CLEC17A: variants seen among roughly 807,000 people sequenced by gnomAD.
CLEC17A encodes C-type lectin domain containing 17A.
In CLEC17A, 37 loss-of-function variants were observed where a neutral mutation model predicts 61.3. The ratio of observed to expected loss-of-function variants is 0.60; its 90% CI spans 0.46 to 0.79. CLEC17A has a LOEUF of 0.79. Ranked by LOEUF, CLEC17A falls within the 30% of genes least tolerant of loss-of-function variation. The pLI, the probability that CLEC17A is intolerant of heterozygous loss-of-function variation, is 0.00. For missense variants in CLEC17A, 418 were observed against 464.7 expected (o/e 0.90, Z 0.92); for synonymous variants, 168 against 164.9 (o/e 1.02, Z -0.14).
intron 8 of CLEC17A, 93 bp from the exon 9 acceptor site, chr19:14,596,783 C>T (rs2074561818): frequency 7.0e-7 from 1 of 1,427,802 alleles, no homozygotes; most frequent in Non-Finnish European, 9.5e-7. Context: ...CTACAGACTT[C>T]TGCCCCCTGC....
chr19:14,582,313 C>T (rs7256967), upstream of CLEC17A, among the ~76,000 whole-genome samples: 35,541 of 150,450 alleles, frequency 0.24, 7,873 homozygotes, highest in African/African-American at 0.59. Context: ...CCTGGGTTCA[C>T]GCCATTCTCC....
rs1488731023 is a variant in CLEC17A at position 14,592,286 on chromosome 19, A to G, written c.205A>G (p.Met69Val). 2.5e-6 allele frequency: 4 copies of G among 1,597,022 alleles called. No homozygotes were observed. The highest frequency in any genetic ancestry group is 1.3e-5 in the African/African-American group (1 of 74,482). ...YKDLPPKPGT[M>V]EEEEEDDDYE... ...ACTTGCCTTTCCCCTGGAAGGGACC[A>G]TGGAGGAGGAGGAGGAGGATGATGA... The change falls in exon 4 of 14, where the codon ATG becomes GTG. Residue 69 changes from methionine (M) to valine (V), a missense_variant. Transcript: ENST00000417570.
Position 14,594,654 on chromosome 19 carries a change from A to C in CLEC17A, c.333A>C (p.Pro111=). 1 of 1,613,518 alleles carries C rather than the reference A, an allele frequency of 6.2e-7. No homozygotes were observed. The highest frequency in any genetic ancestry group is 8.5e-7 in the Non-Finnish European group (1 of 1,179,766). Residue 111 remains proline, a synonymous_variant, in exon 6 of 14, where the codon CCA becomes CCC. Transcript: ENST00000417570. The part of the protein sequence containing the change: ...PRAAKETEKP[P]LPCKPRNMTG... ...CAGCAAAGGAAACAGAGAAACCCCC[A>C]CTTCCTTGCAAGCCCCGGAACATGA...
chr19:14,584,840 C>T (rs1027919761), intron 2 of CLEC17A, among the ~76,000 whole-genome samples: 20 of 151,474 alleles, frequency 1.3e-4, no homozygotes, highest in African/African-American at 4.9e-4. Flanking sequence ...AACTTCATCA[C>T]CCTCTCTACT....
At chr19:14,602,517 C>T (rs780603872) in intron 12 of CLEC17A, among the ~76,000 whole-genome samples, 3 of 151,994 alleles carry the variant, frequency 2.0e-5, no homozygotes, top group Non-Finnish European at 2.9e-5. Context: ...TGGTCTGGAA[C>T]TCCTGACCTC....
At position 14,597,155 on chromosome 19, in the gene CLEC17A, A is replaced by G. The variant is rs1225694558; in HGVS notation, c.640A>G (p.Thr214Ala). The change falls in exon 10 of 14, where the codon ACA (threonine) becomes GCA (alanine). Residue 214 changes from threonine (T) to alanine (A), a missense_variant. Coordinates refer to ENST00000417570, the MANE Select transcript of CLEC17A (RefSeq NM_001204118.2). ...MLSFQQMTWR[T>A]NMTGMAGLAG... Reference sequence around the variant, plus strand: ...AAGCTTTCAGCAGATGACGTGGCGAACAAATAGTGAGTGCTTTCAGTCATT... The same window carrying G: ...AAGCTTTCAGCAGATGACGTGGCGAGCAAATAGTGAGTGCTTTCAGTCATT... 1 of 1,609,938 alleles carries G rather than the reference A, an allele frequency of 6.2e-7. No homozygotes were observed. The highest frequency in any genetic ancestry group is 2.2e-5 in the East Asian group (1 of 44,814).
At chr19:14,582,296 T>G, upstream of CLEC17A, among the ~76,000 whole-genome samples, 1 of 150,600 alleles carries the variant, frequency 6.6e-6, no homozygotes, top group Non-Finnish European at 1.5e-5. Flanking sequence ...CACTGCAAGC[T>G]CCACCTCCTG....
chr19:14,597,242 T>A, intron 10 of CLEC17A, 81 bp downstream of exon 10: 1 of 1,276,760 alleles, frequency 7.8e-7, no homozygotes, highest in Non-Finnish European at 1.1e-6. Context: ...AGATCCAACC[T>A]CATCCCCATC....
In CLEC17A at chr19:14,599,449, G is replaced by A. The variant is rs1026211521; in HGVS notation, c.647-268G>A. Among the ~76,000 whole-genome samples, 95 of 151,976 alleles carry A rather than the reference G, an allele frequency of 6.3e-4. 1 individual carries two copies. Among genetic ancestry groups the A allele is most frequent in the Non-Finnish European group, 1.2e-4 (8 of 67,996 alleles). On this transcript the variant is annotated intron_variant, in intron 10 of 13. Transcript: ENST00000417570. The stretch of plus-strand genomic sequence containing the variant: ...GCCTCTTCCTCACCTCACAGTTATC[G>A]AATCACTTTCTTCCTTTAAAACCCA...
intron 4 of CLEC17A, among the ~76,000 whole-genome samples, chr19:14,594,297 AAAAAT>A (rs771746712): frequency 1.3e-5 from 2 of 151,984 alleles, no homozygotes; most frequent in Non-Finnish European, 2.9e-5. Flanking sequence ...AAATAAAATA[AAAAAT>A]AAAATAAAAT....
chr19:14,601,139 G>A (rs2074704582), intron 12 of CLEC17A, among the ~76,000 whole-genome samples: 1 of 151,818 alleles, frequency 6.6e-6, no homozygotes, highest in Non-Finnish European at 1.5e-5. Context: ...CTGACTTCAG[G>A]TGATCCTCCC....
At chr19:14,606,754 G>T (rs1337162223) in intron 12 of CLEC17A, among the ~76,000 whole-genome samples, 1 of 151,886 alleles carries the variant, frequency 6.6e-6, no homozygotes, top group African/African-American at 2.4e-5. Context: ...TTACAGGTGA[G>T]GAAACTGAGG....
intron 5 of CLEC17A, 28 bp downstream of exon 5, chr19:14,594,577 C>T (rs1227129017): frequency 9.9e-6 from 16 of 1,613,126 alleles, no homozygotes; most frequent in Non-Finnish European, 1.4e-5. Flanking sequence ...GTGTAGGAGA[C>T]CCAGAGCTGG....
chr19:14,599,821 G>C lies in CLEC17A; in HGVS notation c.742+9G>C. On this transcript the variant is annotated intron_variant, in intron 11 of 13. Coordinates refer to ENST00000417570, the MANE Select transcript of CLEC17A (RefSeq NM_001204118.2). ...ACTTTGGGGCTTATTAGGTAAGTGA[G>C]ACTTGGGGAATTGCCCAGGGATGGG... is the stretch of plus-strand genomic sequence containing the variant. 6.2e-7 allele frequency: 1 copy of C among 1,609,852 alleles called. No individual in the cohort carries two copies. Among genetic ancestry groups the C allele is most frequent in the South Asian group, 1.1e-5 (1 of 90,676 alleles).
upstream of CLEC17A, among the ~76,000 whole-genome samples, chr19:14,581,978 G>A (rs7255507): frequency 0.087 from 13,248 of 152,172 alleles, 722 homozygotes; most frequent in African/African-American, 0.16. Flanking sequence ...CTGGAGTCAG[G>A]AGACCAACAT....
In CLEC17A at chr19:14,610,075, C is replaced by G. The variant is rs1375550336; in HGVS notation, c.1016C>G (p.Pro339Arg). Residue 339 changes from proline (P) to arginine (R), a missense_variant, in exon 14 of 14, where the codon CCA (proline) becomes CGA (arginine). Transcript: ENST00000417570. Reference protein sequence around the residue: ...GSPVTLSFWEPEEPNNIHDED... With the variant: ...GSPVTLSFWEREEPNNIHDED... ...TTTCCTCCATCCAGCTTCTGGGAGC[C>G]AGAGGAACCCAATAACATCCACGAT... The G allele has an allele frequency of 2.5e-6, 4 of 1,613,310 alleles. No homozygotes were observed. In the African/African-American group the frequency reaches 5.3e-5, roughly 22 times the overall value.
upstream of CLEC17A, among the ~76,000 whole-genome samples, chr19:14,581,903 C>T (rs933204610): frequency 2.0e-5 from 3 of 152,062 alleles, no homozygotes; most frequent in Non-Finnish European, 2.9e-5. Context: ...CCACCCACCT[C>T]GGCCTCCCAA....
intron 10 of CLEC17A, 111 bp downstream of exon 10, chr19:14,597,272 G>A: frequency 1.1e-6 from 1 of 922,402 alleles, no homozygotes; most frequent in Non-Finnish European, 1.7e-6. Flanking sequence ...CACTGTGCTA[G>A]GTACCAGGGG....
At position 14,606,572 on chromosome 19, in the gene CLEC17A, C is replaced by T. The variant is rs573752774; in HGVS notation, c.895-421C>T. Among the ~76,000 whole-genome samples the T allele has an allele frequency of 1.1e-4, 17 of 150,734 alleles. No homozygotes were observed. In the East Asian group the frequency reaches 1.8e-3, roughly 16 times the overall value. On this transcript the variant is annotated intron_variant, in intron 12 of 13. Transcript: ENST00000417570. The stretch of plus-strand genomic sequence containing the variant: ...GCGGGTAGCTATAATCCCAGCTACT[C>T]GGGAGGTTGAGGCGGGAGAATCGCT...
Sources: allele counts gnomAD v4.1 joint callset (sites outside exome capture counted in the v4.1 genomes callset), GRCh38; gene constraint gnomAD v4.1.1; transcripts MANE v1.5; gene names NCBI Gene and HGNC (gene_info 2026-07-23, HGNC 2026-07-21).